MARCHF2: variants seen among roughly 807,000 people sequenced by gnomAD.
MARCHF2 encodes the protein membrane associated ring-CH-type finger 2, also known as E3 ubiquitin-protein ligase MARCHF2.
A neutral mutation model predicts 24.0 loss-of-function variants in MARCHF2; 22 were observed. The ratio of observed to expected loss-of-function variants is 0.92; its 90% confidence interval spans 0.66 to 1.31. The LOEUF is 1.31. Among genes scored for constraint, MARCHF2 ranks in the 50% most tolerant of loss-of-function variants. The probability of loss-of-function intolerance (pLI) is 0.00; values close to 1 mark genes in which losing one functional copy is unlikely to be tolerated. For synonymous variants in MARCHF2, 154 were observed against 153.0 expected (o/e 1.01, Z -0.05); for missense variants, 301 against 335.3 (o/e 0.90, Z 0.80).
At chr19:8,423,320 A>C (rs1325813664) in intron 2 of MARCHF2, 1 of 151,756 alleles carries the variant, frequency 6.6e-6, no homozygotes, top group African/African-American at 2.4e-5. Context: ...TCGGCCTCCC[A>C]AAGTGTTGGG....
chr19:8,426,479 C>A, intron 2 of MARCHF2, 130 bp from the exon 3 acceptor site: 1 of 693,508 alleles, frequency 1.4e-6, no homozygotes, highest in Non-Finnish European at 2.5e-6. Context: ...TAGAGCTGGG[C>A]ATTGAAGGAT....
At position 8,428,839 on chromosome 19, in the gene MARCHF2, C is replaced by A. The variant is rs192469240; in HGVS notation, c.373-1819C>A. Among the ~76,000 whole-genome samples, 1,308 of 149,846 alleles carry A rather than the reference C, an allele frequency of 8.7e-3. 98 individuals carry two copies. The East Asian group carries it at 0.2, about 23-fold the overall frequency. On this transcript the variant is annotated intron_variant, in intron 3 of 4. Coordinates refer to ENST00000215555, the MANE Select transcript of MARCHF2 (RefSeq NM_001005415.2). Reference sequence around the variant, plus strand: ...ATTAGCTGGGCATGGTGGCGGGGGCCTGTAATCCCAGCTTGAACCCGGAAG... The same window carrying A: ...ATTAGCTGGGCATGGTGGCGGGGGCATGTAATCCCAGCTTGAACCCGGAAG...
chr19:8,422,190 C>T (rs539665893), intron 2 of MARCHF2, among the ~76,000 whole-genome samples, 174 bp downstream of exon 2: 7 of 152,186 alleles, frequency 4.6e-5, no homozygotes, highest in South Asian at 4.1e-4. Context: ...TAGCTTTGGC[C>T]GGGTCTGATT....
intron 1 of MARCHF2, among the ~76,000 whole-genome samples, chr19:8,416,229 C>CCTGTAA (rs1568233929): frequency 1.3e-5 from 2 of 151,424 alleles, no homozygotes; most frequent in East Asian, 3.9e-4. Flanking sequence ...GTAATCCCAG[C>CCTGTAA]TACTCGGGAG....
chr19:8,422,268 A>G (rs1403553380), intron 2 of MARCHF2, among the ~76,000 whole-genome samples: 2 of 152,032 alleles, frequency 1.3e-5, no homozygotes, highest in East Asian at 3.9e-4. Flanking sequence ...CAAGTAACAC[A>G]CTTTTGGGAG....
chr19:8,438,741 T>G lies in MARCHF2; in HGVS notation c.*195T>G, dbSNP rs1360449132. The G allele has an allele frequency of 1.6e-6, 1 of 619,620 alleles. No homozygotes were observed. The highest frequency in any genetic ancestry group is 2.7e-6 in the Non-Finnish European group (1 of 368,390). The allele number at this position is 619,620 out of a possible 1,614,324, so 38.4% of individuals were successfully genotyped here. On this transcript the variant is annotated 3_prime_UTR_variant, in exon 5 of 5. Transcript: ENST00000215555. ...AGATATTTTCAGGGTTTTTTTTTTT[T>G]TTTTTTTGCATATGGAGGACAGGTG... is the stretch of plus-strand genomic sequence containing the variant.
Position 8,416,296 on chromosome 19 carries a change from C to T in MARCHF2, c.-53+2876C>T, listed in dbSNP as rs189921984. Reference sequence around the variant, plus strand: ...GGTGGAGGTTGCAGTGAGCTGAGATCGGCCACTGTACTCCAGCCTGGGCGA... The same window carrying T: ...GGTGGAGGTTGCAGTGAGCTGAGATTGGCCACTGTACTCCAGCCTGGGCGA... On this transcript the variant is annotated intron_variant, in intron 1 of 4. Coordinates refer to ENST00000215555, the MANE Select transcript of MARCHF2 (RefSeq NM_001005415.2). 4.9e-3 allele frequency among the ~76,000 whole-genome samples: 709 copies of T among 144,236 alleles called. 11 individuals carry two copies. Among genetic ancestry groups the T allele is most frequent in the African/African-American group, 0.018 (678 of 38,712 alleles). The allele number at this position is 144,236 out of a possible 152,430, so 94.6% of individuals were successfully genotyped here.
In MARCHF2 at chr19:8,421,898, C is replaced by G; in HGVS notation, c.58C>G (p.Pro20Ala). The change falls in exon 2 of 5, where the codon CCT becomes GCT. Residue 20 changes from proline to alanine, a missense_variant. Pro to Ala is a conservative substitution (Grantham distance 27, BLOSUM62 -1). Coordinates refer to ENST00000215555, the MANE Select transcript of MARCHF2 (RefSeq NM_001005415.2). ...PGSLCDCSGSPAFSKVVEATG... is the reference protein window; with the variant it reads ...PGSLCDCSGSAAFSKVVEATG... ...CTCCCTGTGTGACTGCTCCGGCAGC[C>G]CTGCCTTCTCCAAGGTCGTGGAGGC... 2 of 1,613,828 alleles carry G rather than the reference C, an allele frequency of 1.2e-6. No homozygotes were observed. Among genetic ancestry groups the G allele is most frequent in the Non-Finnish European group, 1.7e-6 (2 of 1,179,920 alleles).
At chr19:8,427,725 G>C (rs948176074) in intron 3 of MARCHF2, 1 of 151,632 alleles carries the variant, frequency 6.6e-6, no homozygotes, top group Non-Finnish European at 1.5e-5. Flanking sequence ...ACTTCGGGAG[G>C]CCGAGGCGGG....
At chr19:8,428,650 A>G (rs1967482268) in intron 3 of MARCHF2, among the ~76,000 whole-genome samples, 1 of 13,902 alleles carries the variant, frequency 7.2e-5, no homozygotes, top group South Asian at 3.3e-3. Context: ...ACTCTATCTC[A>G]AAAAAAAAAA....
chr19:8,435,919 C>T (rs1307372536), intron 4 of MARCHF2, among the ~76,000 whole-genome samples: 5 of 147,400 alleles, frequency 3.4e-5, no homozygotes, highest in Non-Finnish European at 7.5e-5. Context: ...TGCAGTGTGG[C>T]GTGATCATGG....
intron 4 of MARCHF2, 155 bp downstream of exon 4, chr19:8,431,022 C>T (rs1451427820): frequency 1.4e-6 from 1 of 692,914 alleles, no homozygotes; most frequent in Non-Finnish European, 2.4e-6. Context: ...CACCCTGCCT[C>T]TCCAGGAGCT....
Position 8,438,735 on chromosome 19 carries a change from T to G in MARCHF2, c.*189T>G. 1.7e-6 allele frequency: 1 copy of G among 580,234 alleles called. No homozygotes were observed. The highest frequency in any genetic ancestry group is 3.0e-5 in the East Asian group (1 of 33,192). The allele number at this position is 580,234 out of a possible 1,614,324, so 35.9% of individuals were successfully genotyped here. On this transcript the variant is annotated 3_prime_UTR_variant, in exon 5 of 5. Transcript: ENST00000215555. The stretch of plus-strand genomic sequence containing the variant: ...GTGTGAAGATATTTTCAGGGTTTTT[T>G]TTTTTTTTTTTTTGCATATGGAGGA...
chr19:8,429,096 C>A lies in MARCHF2; in HGVS notation c.373-1562C>A, dbSNP rs1266877839. Among the ~76,000 whole-genome samples, 7 of 140,386 alleles carry A rather than the reference C, an allele frequency of 5.0e-5. No homozygotes were observed. In the East Asian group the frequency reaches 1.2e-3, roughly 23 times the overall value. 92.1% of individuals were successfully genotyped at this position (140,386 alleles called of 152,430 possible). ...ACAGCCCCCTCCCCACACATCTTGT[C>A]TAGGCCGCCTCCCCCTATCCCAGGG... is the stretch of plus-strand genomic sequence containing the variant. On this transcript the variant is annotated intron_variant, in intron 3 of 4. Coordinates refer to ENST00000215555, the MANE Select transcript of MARCHF2 (RefSeq NM_001005415.2).
chr19:8,433,218 G>A (rs1224440227), intron 4 of MARCHF2, among the ~76,000 whole-genome samples: 4 of 149,636 alleles, frequency 2.7e-5, no homozygotes, highest in Non-Finnish European at 4.4e-5. Context: ...ACCTTGTCTC[G>A]AAGAAAATAA....
At chr19:8,436,268 G>A (rs1967719793) in intron 4 of MARCHF2, among the ~76,000 whole-genome samples, 1 of 151,814 alleles carries the variant, frequency 6.6e-6, no homozygotes, top group African/African-American at 2.4e-5. Flanking sequence ...CCGAGTAGCT[G>A]GGACTACAGG....
At chr19:8,434,472 TA>T (rs34886411) in intron 4 of MARCHF2, among the ~76,000 whole-genome samples, 40 of 147,548 alleles carry the variant, frequency 2.7e-4, no homozygotes, top group African/African-American at 6.2e-4. Flanking sequence ...TGGTGTTCTT[TA>T]AAAAAAAAAA....
intron 3 of MARCHF2, among the ~76,000 whole-genome samples, chr19:8,428,667 A>C (rs1317355713): frequency 0.011 from 1,603 of 147,522 alleles, 62 homozygotes; most frequent in African/African-American, 0.038. Context: ...AAAAAAAAAA[A>C]AAAAAAAAAA....
rs553667003 is a variant in MARCHF2 at position 8,415,711 on chromosome 19, A to C, written c.-53+2291A>C. 2.7e-4 allele frequency among the ~76,000 whole-genome samples: 33 copies of C among 120,872 alleles called. 1 individual carries two copies. Among genetic ancestry groups the C allele is most frequent in the African/African-American group, 1.0e-3 (33 of 32,040 alleles). The allele number at this position is 120,872 out of a possible 152,430, so 79.3% of individuals were successfully genotyped here. On this transcript the variant is annotated intron_variant, in intron 1 of 4. Coordinates refer to ENST00000215555, the MANE Select transcript of MARCHF2 (RefSeq NM_001005415.2). ...TCTCCACCCTGGGCAACAAGAGTGA[A>C]ACTCCATCTCAAAAAAAAAAAAACA...
Sources: allele counts gnomAD v4.1 joint callset (sites outside exome capture counted in the v4.1 genomes callset), GRCh38; gene constraint gnomAD v4.1.1; transcripts MANE v1.5; gene names NCBI Gene and HGNC (gene_info 2026-07-23, HGNC 2026-07-21).